TSPAN33: variants seen among roughly 807,000 people sequenced by gnomAD.
TSPAN33 encodes tetraspanin-33.
A neutral mutation model predicts 34.8 loss-of-function variants in TSPAN33; 27 were observed. That is an observed-to-expected ratio of 0.78 (90% CI 0.57 to 1.07). The LOEUF (loss-of-function observed/expected upper bound fraction) is 1.07, where lower values mean the gene tolerates loss of function less well. Among genes scored for constraint, TSPAN33 ranks in the 50% least tolerant of loss-of-function variants. TSPAN33 has a pLI of 0.00. For synonymous variants in TSPAN33, 119 were observed against 124.2 expected (o/e 0.96, Z 0.28); for missense variants, 272 against 324.9 (o/e 0.84, Z 1.25).
At chr7:129,156,904 T>C (rs1234675293) in intron 1 of TSPAN33, among the ~76,000 whole-genome samples, 6 of 152,176 alleles carry the variant, frequency 3.9e-5, no homozygotes, top group Non-Finnish European at 5.9e-5. Context: ...GCAAATTATT[T>C]TATATAATTT....
In TSPAN33 at chr7:129,165,580, G is replaced by A. The variant is rs767124509; in HGVS notation, c.459+1011G>A. Among the ~76,000 whole-genome samples the A allele has an allele frequency of 3.3e-5, 5 of 152,276 alleles. No individual in the cohort carries two copies. Among genetic ancestry groups the A allele is most frequent in the Admixed American group, 6.5e-5 (1 of 15,298 alleles). ...AGTGGAGAAAAGGGTTGCTTCCACCGTTCGGCTACTGTGAACAAGGCTGCT... is the reference window on the plus strand; with the variant it reads ...AGTGGAGAAAAGGGTTGCTTCCACCATTCGGCTACTGTGAACAAGGCTGCT... On this transcript the variant is annotated intron_variant, in intron 5 of 7. Transcript: ENST00000486685. This position sits in a 1 kb window ranked among gnomAD's most constrained non-coding sequence, Gnocchi z 4.5.
In TSPAN33 at chr7:129,167,768, C is replaced by G; in HGVS notation, c.751-5C>G. The stretch of plus-strand genomic sequence containing the variant: ...GAGTGCCCAATTCCTTCTTGCCTCT[C>G]CCAGCTGGTGGGAATTCTGCTGTCC... On this transcript the variant is annotated splice_polypyrimidine_tract_variant and splice_region_variant and intron_variant, in intron 7 of 7. Coordinates refer to ENST00000486685, the MANE Select transcript of TSPAN33 (RefSeq NM_178562.5). This position sits in a 1 kb window ranked among gnomAD's most constrained non-coding sequence, Gnocchi z 4.6. 8 of 1,614,056 alleles carry G rather than the reference C, an allele frequency of 5.0e-6. No individual in the cohort carries two copies. The highest frequency in any genetic ancestry group is 4.4e-5 in the South Asian group (4 of 91,074).
chr7:129,145,145 C>T, intron 1 of TSPAN33, 63 bp downstream of exon 1: 1 of 590,794 alleles, frequency 1.7e-6, no homozygotes, highest in African/African-American at 2.0e-5. Context: ...AAGGGTGGCC[C>T]GGGGTGCCCC....
chr7:129,161,855 C>G, intron 2 of TSPAN33, 119 bp downstream of exon 2: 1 of 1,276,504 alleles, frequency 7.8e-7, no homozygotes, highest in Non-Finnish European at 1.1e-6. Flanking sequence ...CTCCCTGGAG[C>G]CAAATCTTCA....
intron 1 of TSPAN33, among the ~76,000 whole-genome samples, chr7:129,154,012 T>G (rs1009550819): frequency 3.3e-5 from 5 of 152,110 alleles, no homozygotes; most frequent in African/African-American, 1.2e-4. Flanking sequence ...GACTTCCCAG[T>G]GCTCTGTCAC....
intron 1 of TSPAN33, among the ~76,000 whole-genome samples, chr7:129,153,015 C>T (rs1401235007): frequency 2.2e-5 from 3 of 135,932 alleles, no homozygotes; most frequent in Non-Finnish European, 4.6e-5. Context: ...CCGGAGATTG[C>T]GCCACTGCAC....
At chr7:129,145,584 G>A (rs1373126988) in intron 1 of TSPAN33, among the ~76,000 whole-genome samples, 2 of 150,286 alleles carry the variant, frequency 1.3e-5, no homozygotes, top group African/African-American at 4.9e-5. Context: ...AGTCTAGGAA[G>A]AATGGCCTCC....
intron 1 of TSPAN33, among the ~76,000 whole-genome samples, chr7:129,153,951 AAAAG>A (rs1810634758): frequency 6.6e-6 from 1 of 151,882 alleles, no homozygotes. Flanking sequence ...CAAAGAAAAA[AAAAG>A]AAGAAGAATA....
Position 129,161,740 on chromosome 7 carries a change from A to C in TSPAN33, c.160+4A>C, listed in dbSNP as rs759696996. 6.2e-7 allele frequency: 1 copy of C among 1,613,972 alleles called. No homozygotes were observed. The highest frequency in any genetic ancestry group is 1.1e-5 in the South Asian group (1 of 91,074). On this transcript the variant is annotated splice_donor_region_variant and intron_variant, in intron 2 of 7. Coordinates refer to ENST00000486685, the MANE Select transcript of TSPAN33 (RefSeq NM_178562.5). ...GCTCGGCTAATGAAGCATGCAGGTG[A>C]GCTGTAGCTCTCCCTCCCTGCCCCC...
intron 1 of TSPAN33, among the ~76,000 whole-genome samples, chr7:129,150,386 A>G (rs1810576766): frequency 6.6e-6 from 1 of 152,166 alleles, no homozygotes; most frequent in South Asian, 2.1e-4. Flanking sequence ...CCTGAAAACC[A>G]GCCCATTTGG....
At chr7:129,153,073 AAAAAAAAAAG>A (rs1810622093) in intron 1 of TSPAN33, among the ~76,000 whole-genome samples, 1 of 151,586 alleles carries the variant, frequency 6.6e-6, no homozygotes, top group Non-Finnish European at 1.5e-5. Flanking sequence ...AAAAAAAAAA[AAAAAAAAAAG>A]AAAAAGAAAA....
intron 1 of TSPAN33, among the ~76,000 whole-genome samples, chr7:129,152,280 G>A (rs1056535203): frequency 6.6e-6 from 1 of 152,202 alleles, no homozygotes; most frequent in African/African-American, 2.4e-5. Context: ...TTACATGAAT[G>A]TTCATAGCAA....
chr7:129,160,878 A>G (rs1395941567), intron 1 of TSPAN33, among the ~76,000 whole-genome samples: 1 of 152,262 alleles, frequency 6.6e-6, no homozygotes, highest in Non-Finnish European at 1.5e-5. Flanking sequence ...CAAGTTAACT[A>G]TTAATAATGA....
Position 129,148,465 on chromosome 7 carries a change from C to T in TSPAN33, c.102+3383C>T, listed in dbSNP as rs533184074. ...AGCTGTGTTTGGCATAAATTGGGTGCTTACTGAATGTTTATTGGATGGTGA... is the reference window on the plus strand; with the variant it reads ...AGCTGTGTTTGGCATAAATTGGGTGTTTACTGAATGTTTATTGGATGGTGA... On this transcript the variant is annotated intron_variant, in intron 1 of 7. Transcript: ENST00000486685. The surrounding 1 kb of genome is among the most constrained non-coding windows in gnomAD (Gnocchi z 4.2). 5.9e-5 allele frequency among the ~76,000 whole-genome samples: 9 copies of T among 152,284 alleles called. No individual in the cohort carries two copies. Among genetic ancestry groups the T allele is most frequent in the Admixed American group, 5.2e-4 (8 of 15,290 alleles).
intron 2 of TSPAN33, 27 bp from the exon 3 acceptor site, chr7:129,162,367 C>T (rs1013026196): frequency 3.1e-6 from 5 of 1,608,452 alleles, no homozygotes; most frequent in Admixed American, 3.3e-5. Context: ...GCACCAGGCT[C>T]AGGCTGAGGG....
In TSPAN33 at chr7:129,160,781, C is replaced by T. The variant is rs370520202; in HGVS notation, c.103-898C>T. ...GGTTAGAGAGCTGGGAGTATGCAAC[C>T]GCCCAGGCCTGCTTTAGGTATAAAA... On this transcript the variant is annotated intron_variant, in intron 1 of 7. Coordinates refer to ENST00000486685, the MANE Select transcript of TSPAN33 (RefSeq NM_178562.5). Among the ~76,000 whole-genome samples, 39 of 152,300 alleles carry T rather than the reference C, an allele frequency of 2.6e-4. 1 individual carries two copies. Among genetic ancestry groups the T allele is most frequent in the Middle Eastern group, 3.4e-3 (1 of 294 alleles).
intron 1 of TSPAN33, among the ~76,000 whole-genome samples, chr7:129,149,681 CTCTT>C (rs1163076526): frequency 3.3e-5 from 5 of 152,108 alleles, no homozygotes; most frequent in Non-Finnish European, 7.3e-5. Context: ...ACCTCCCTTC[CTCTT>C]TCTTAACCTT....
At chr7:129,161,632 T>C in intron 1 of TSPAN33, 47 bp from the exon 2 acceptor site, 1 of 1,598,870 alleles carries the variant, frequency 6.3e-7, no homozygotes, top group Non-Finnish European at 8.6e-7. Flanking sequence ...TTCAGGGCTC[T>C]CTGGTTTCCA....
chr7:129,146,080 G>A (rs1056902276), intron 1 of TSPAN33, among the ~76,000 whole-genome samples: 2 of 152,108 alleles, frequency 1.3e-5, no homozygotes, highest in African/African-American at 4.8e-5. Flanking sequence ...CAGAGCTGCT[G>A]CTTCTGGAGC....
Sources: gnomAD v4.1 joint callset for allele counts (sites outside exome capture counted in the v4.1 genomes callset) on GRCh38, gnomAD v4.1.1 for gene constraint, Gnocchi (gnomAD v3.1) non-coding constraint, MANE v1.5 for transcripts, NCBI Gene and HGNC (gene_info 2026-07-23, HGNC 2026-07-21) for gene names.